The following MUC6 variants were observed in gnomAD, a reference collection of about 807,000 sequenced individuals.
The protein encoded by MUC6 is mucin-6.
Under a neutral mutation model 201.5 loss-of-function variants are expected in MUC6, and 188 were observed. The observed-to-expected ratio is 0.93, with a 90% CI of 0.83 to 1.05. The LOEUF (loss-of-function observed/expected upper bound fraction) is 1.05, where lower values mean the gene tolerates loss of function less well. Among genes scored for constraint, MUC6 ranks in the 50% least tolerant of loss-of-function variants. The pLI is 0.00. For missense variants in MUC6, 2,706 were observed against 3,256.9 expected (o/e 0.83, Z 4.12); for synonymous variants, 1,228 against 1,389.4 (o/e 0.88, Z 2.58).
Position 1,029,624 on chromosome 11 carries a change from G to A in MUC6, c.1016-9C>T, listed in dbSNP as rs962174643. 6.4e-7 allele frequency: 1 copy of A among 1,567,258 alleles called. No homozygotes were observed. The highest frequency in any genetic ancestry group is 1.8e-5 in the Admixed American group (1 of 55,950). On this transcript the variant is annotated splice_polypyrimidine_tract_variant and intron_variant, in intron 8 of 32. Coordinates refer to ENST00000421673, the MANE Select transcript of MUC6 (RefSeq NM_005961.3). ...GTCATTCAGGACCGTACCTGCAGGA[G>A]AGGGTCTTCTTGGGGCTTGGGTGGG...
At chr11:1,036,509 C>A in intron 1 of MUC6, 95 bp downstream of exon 1, 1 of 1,394,266 alleles carries the variant, frequency 7.2e-7, no homozygotes, top group Non-Finnish European at 9.8e-7. Flanking sequence ...CCATGTGGGC[C>A]AGCCGAGTTG....
At position 1,029,508 on chromosome 11, in the gene MUC6, C is replaced by T; in HGVS notation, c.1123G>A (p.Ala375Thr). 1.2e-6 allele frequency: 2 copies of T among 1,612,394 alleles called. No homozygotes were observed. Among genetic ancestry groups the T allele is most frequent in the Non-Finnish European group, 1.7e-6 (2 of 1,179,760 alleles). The change falls in exon 9 of 33, where the codon GCC becomes ACC. Residue 375 changes from alanine to threonine, a missense_variant. Physicochemically the swap from Ala to Thr is moderately conservative, Grantham distance 58. This residue lies in a region of MUC6 where 1,850 missense variants were observed against 1,958.3 expected (regional missense o/e 0.94). Coordinates refer to ENST00000421673, the MANE Select transcript of MUC6 (RefSeq NM_005961.3). ...MYAPGEVTIAACQTCRCTLGR... is the reference protein window; with the variant it reads ...MYAPGEVTIATCQTCRCTLGR... ...CGCCTCACTCACCAGGTTTGGCAGG[C>T]AGCTATTGTGACCTCCCCGGGGGCA...
intron 24 of MUC6, 111 bp downstream of exon 24, chr11:1,024,733 G>T (rs1202046933): frequency 6.8e-7 from 1 of 1,461,612 alleles, no homozygotes; most frequent in Non-Finnish European, 9.1e-7. Context: ...TGACCTGGCT[G>T]GTCTGGGATC....
In MUC6 at chr11:1,019,384, C is replaced by A; in HGVS notation, c.3921G>T (p.Arg1307Ser). Reference sequence around the variant, plus strand: ...CTGGGCTGGCGGTCGACGCCGTGGCCCTGGTTGTGGCCTGGGTCACTGTGG... The same window carrying A: ...CTGGGCTGGCGGTCGACGCCGTGGCACTGGTTGTGGCCTGGGTCACTGTGG... ...TKPTVTQATT[R>S]ATASTASPAT... is the part of the protein sequence containing the mutation. Residue 1307 changes from arginine (R) to serine (S), a missense_variant, in exon 30 of 33, where the codon AGG becomes AGT. Transcript: ENST00000421673. 3 of 1,613,514 alleles carry A rather than the reference C, an allele frequency of 1.9e-6. No homozygotes were observed. Among genetic ancestry groups the A allele is most frequent in the Non-Finnish European group, 1.7e-6 (2 of 1,179,650 alleles).
At position 1,026,490 on chromosome 11, in the gene MUC6, C is replaced by A; in HGVS notation, c.2395-12G>T. 6.4e-7 allele frequency: 1 copy of A among 1,569,808 alleles called. No homozygotes were observed. Among genetic ancestry groups the A allele is most frequent in the South Asian group, 1.2e-5 (1 of 85,784 alleles). Reference sequence around the variant, plus strand: ...CACTTGGTGGGCACCTGGAGGGAGGCAGGTCAGCAGCTCCTGGGAGGGTGG... The same window carrying A: ...CACTTGGTGGGCACCTGGAGGGAGGAAGGTCAGCAGCTCCTGGGAGGGTGG... On this transcript the variant is annotated splice_polypyrimidine_tract_variant and intron_variant, in intron 19 of 32. Transcript: ENST00000421673.
intron 1 of MUC6, among the ~76,000 whole-genome samples, chr11:1,035,797 G>A (rs1404550234): frequency 6.6e-6 from 1 of 152,130 alleles, no homozygotes; most frequent in Non-Finnish European, 1.5e-5. Context: ...TGTGGAGGAG[G>A]GTCGGGCCAG....
rs577519018 is a variant in MUC6, at chr11:1,029,960, C to T, written c.1015+253G>A. ...GCCCGGCTCAAACCCTGCCTTCCCT[C>T]GGCAGCTCCTAGACCGCAGTGAGCA... On this transcript the variant is annotated intron_variant, in intron 8 of 32. Coordinates refer to ENST00000421673, the MANE Select transcript of MUC6 (RefSeq NM_005961.3). Among the ~76,000 whole-genome samples the T allele has an allele frequency of 2.8e-4, 42 of 152,356 alleles. No homozygotes were observed. In the East Asian group the frequency reaches 5.4e-3, roughly 20 times the overall value.
rs751237453 is a variant in MUC6, at chr11:1,024,939, T to C, written c.3130A>G (p.Thr1044Ala). The change falls in exon 24 of 33, where the codon ACA becomes GCA. Residue 1044 changes from threonine (T) to alanine (A), a missense_variant. Physicochemically the swap from Thr to Ala is moderately conservative, Grantham distance 58. Transcript: ENST00000421673. ...AAGGCATTGAGACTGCAGGGGTCTGTCACGAAGCTCACGTCCCCGCACAGC... is the reference window on the plus strand; with the variant it reads ...AAGGCATTGAGACTGCAGGGGTCTGCCACGAAGCTCACGTCCCCGCACAGC... ...SPLCGDVSFV[T>A]DPCSLNAFRR... The C allele has an allele frequency of 2.5e-6, 4 of 1,612,978 alleles. No individual in the cohort carries two copies. Among genetic ancestry groups the C allele is most frequent in the Non-Finnish European group, 3.4e-6 (4 of 1,179,890 alleles).
chr11:1,029,429 C>T (rs953385235), intron 9 of MUC6, 63 bp from the exon 10 acceptor site: 25 of 1,598,952 alleles, frequency 1.6e-5, no homozygotes, highest in South Asian at 2.2e-5. Flanking sequence ...ACAGCACACC[C>T]CTGCCTGCCC....
At position 1,023,621 on chromosome 11, in the gene MUC6, CG is replaced by C; in HGVS notation, c.3413del (p.Thr1138SerfsTer86). 1 of 1,612,862 alleles carries C rather than the reference CG, an allele frequency of 6.2e-7. No individual in the cohort carries two copies. Among genetic ancestry groups the C allele is most frequent in the African/African-American group, 1.3e-5 (1 of 75,022 alleles). ...PIYCGFYNTH[T>X]QDGHGEYQYT... ...ACTGGTACTCGCCATGGCCGTCCTG[CG>C]TGTGCGTGTTGTAGAAGCCGCAGTA... is the stretch of plus-strand genomic sequence containing the variant. On this transcript the variant is annotated frameshift_variant, in exon 26 of 33. Coordinates refer to ENST00000421673, the MANE Select transcript of MUC6 (RefSeq NM_005961.3). LOFTEE classifies it high-confidence loss of function.
In MUC6 at chr11:1,024,093, A is replaced by C. The variant is rs1856891719; in HGVS notation, c.3236T>G (p.Leu1079Arg). 3 of 1,612,590 alleles carry C rather than the reference A, an allele frequency of 1.9e-6. No homozygotes were observed. The highest frequency in any genetic ancestry group is 2.5e-6 in the Non-Finnish European group (3 of 1,179,726). Reference sequence around the variant, plus strand: ...GCGCACGCAGGCCTCGTAGTAGGGCAGGTGGTATACCTGCAGGGGTGTGTG... The same window carrying C: ...GCGCACGCAGGCCTCGTAGTAGGGCCGGTGGTATACCTGCAGGGGTGTGTG... Reference protein sequence around the residue: ...FATCHSKVYHLPYYEACVRDA... With the variant: ...FATCHSKVYHRPYYEACVRDA... Residue 1079 changes from leucine to arginine, a missense_variant, in exon 25 of 33, where the codon CTG becomes CGG. By Grantham distance (102) the Leu-to-Arg change is moderately radical. Transcript: ENST00000421673.
chr11:1,020,674 G>C lies in MUC6; in HGVS notation c.3640+10C>G, dbSNP rs201250690. 1.2e-6 allele frequency: 2 copies of C among 1,613,730 alleles called. No individual in the cohort carries two copies. The highest frequency in any genetic ancestry group is 2.2e-5 in the South Asian group (2 of 91,090). ...TGCGTCACCTTGGCACCTAGTGTGCGTGCAATTACCTGTGGTGGGCAGCTG... is the reference window on the plus strand; with the variant it reads ...TGCGTCACCTTGGCACCTAGTGTGCCTGCAATTACCTGTGGTGGGCAGCTG... On this transcript the variant is annotated intron_variant, in intron 28 of 32. Transcript: ENST00000421673.
At position 1,028,263 on chromosome 11, in the gene MUC6, C is replaced by G; in HGVS notation, c.1716G>C (p.Glu572Asp). 7 of 1,595,754 alleles carry G rather than the reference C, an allele frequency of 4.4e-6. No individual in the cohort carries two copies. The highest frequency in any genetic ancestry group is 6.0e-6 in the Non-Finnish European group (7 of 1,172,180). The change falls in exon 14 of 33, where the codon GAG (glutamate) becomes GAC (aspartate). Residue 572 changes from glutamate (E) to aspartate (D), a missense_variant. This residue lies in a region of MUC6 where 1,850 missense variants were observed against 1,958.3 expected (regional missense o/e 0.94). Coordinates refer to ENST00000421673, the MANE Select transcript of MUC6 (RefSeq NM_005961.3). Reference protein sequence around the residue: ...WRAGNCPAALERETDPCSMSQ... With the variant: ...WRAGNCPAALDRETDPCSMSQ... The stretch of plus-strand genomic sequence containing the variant: ...TCATGGAGCAGGGGTCAGTCTCACG[C>G]TCCAGAGCGGCCGGACAGTTCCCCG...
chr11:1,028,581 C>T, intron 13 of MUC6, 65 bp downstream of exon 13: 2 of 1,574,318 alleles, frequency 1.3e-6, no homozygotes, highest in Non-Finnish European at 8.6e-7. Flanking sequence ...CTTTCTCCTC[C>T]CCTGGTCATG....
Position 1,030,801 on chromosome 11 carries a change from C to T in MUC6, c.685-21G>A, listed in dbSNP as rs1336196680. On this transcript the variant is annotated intron_variant, in intron 6 of 32. Coordinates refer to ENST00000421673, the MANE Select transcript of MUC6 (RefSeq NM_005961.3). The stretch of plus-strand genomic sequence containing the variant: ...CGGGCCTGGGGGGGCCACTCAGGGT[C>T]ATGGGGGCAAAGGCCACACCCCATG... 1.6e-5 allele frequency: 24 copies of T among 1,533,716 alleles called. 1 individual carries two copies. The highest frequency in any genetic ancestry group is 2.1e-4 in the Middle Eastern group (1 of 4,660).
chr11:1,035,078 G>T (rs970770803), intron 1 of MUC6, among the ~76,000 whole-genome samples: 6 of 152,080 alleles, frequency 3.9e-5, no homozygotes, highest in African/African-American at 1.4e-4. Flanking sequence ...TGTTCCTTCT[G>T]CACGCTTGGC....
intron 26 of MUC6, among the ~76,000 whole-genome samples, chr11:1,022,357 C>T (rs1856836101): frequency 6.6e-6 from 1 of 152,022 alleles, no homozygotes. Context: ...TCCCTCTGCC[C>T]TCTGCAGCCC....
chr11:1,027,693 T>C lies in MUC6; in HGVS notation c.1973A>G (p.Asp658Gly). ...CCCCGTCGGGCACTCACTGCAGTTGTCCACACTGCTTCTCCAGCCCCAGAG... is the reference window on the plus strand; with the variant it reads ...CCCCGTCGGGCACTCACTGCAGTTGCCCACACTGCTTCTCCAGCCCCAGAG... Reference protein sequence around the residue: ...VLLWGWRSSVDNCTIPCTGNT... With the variant: ...VLLWGWRSSVGNCTIPCTGNT... Residue 658 changes from aspartate (D) to glycine (G), a missense_variant, in exon 16 of 33, where the codon GAC becomes GGC. This residue lies in a region of MUC6 where 1,850 missense variants were observed against 1,958.3 expected (regional missense o/e 0.94). Coordinates refer to ENST00000421673, the MANE Select transcript of MUC6 (RefSeq NM_005961.3). The C allele has an allele frequency of 6.2e-7, 1 of 1,600,694 alleles. No homozygotes were observed. The highest frequency in any genetic ancestry group is 8.5e-7 in the Non-Finnish European group (1 of 1,174,460).
intron 26 of MUC6, among the ~76,000 whole-genome samples, chr11:1,022,612 T>G (rs1185941466): frequency 6.6e-6 from 1 of 152,246 alleles, no homozygotes. Context: ...ACACTGGGTC[T>G]GCCTCCTTAA....
Sources: gnomAD v4.1 joint callset for allele counts (sites outside exome capture counted in the v4.1 genomes callset) on GRCh38, gnomAD v4.1.1 for gene constraint, gnomAD v4.1.1 regional missense constraint, MANE v1.5 for transcripts, NCBI Gene and HGNC (gene_info 2026-07-23, HGNC 2026-07-21) for gene names.